Variants in BRCA2 observed in about 807,000 individuals in gnomAD.
The protein encoded by BRCA2 is BRCA2 DNA repair associated.
A neutral mutation model predicts 276.7 loss-of-function variants in BRCA2; 203 were observed. That is an observed-to-expected ratio of 0.73 (90% confidence interval 0.65 to 0.82). BRCA2 has a LOEUF of 0.82. BRCA2 is among the 40% of genes least tolerant of loss of function. BRCA2 has a pLI of 0.00. For missense variants in BRCA2, 3,920 were observed against 3,915.0 expected (o/e 1.00, Z -0.03); for synonymous variants, 1,289 against 1,338.4 (o/e 0.96, Z 0.81).
rs1252218364 is a variant in BRCA2, at chr13:32,399,503, C to CT, written c.*734dup. The CT allele has an allele frequency of 9.8e-5, 18 of 183,848 alleles. No individual in the cohort carries two copies. Among genetic ancestry groups the CT allele is most frequent in the African/African-American group, 3.5e-4 (15 of 42,610 alleles). The allele number at this position is 183,848 out of a possible 1,614,324, so 11.4% of individuals were successfully genotyped here. A position where few individuals can be genotyped will look rare whatever the true frequency, so the allele number is the denominator to read the frequency against. On this transcript the variant is annotated 3_prime_UTR_variant, in exon 27 of 27. Transcript: ENST00000380152. Reference sequence around the variant, plus strand: ...GAAAAATAGAACCCTCAGTGTAACTCTAATTCCTTTTTACTATTCCAGTGT... The same window carrying CT: ...GAAAAATAGAACCCTCAGTGTAACTCTTAATTCCTTTTTACTATTCCAGTGT...
intron 10 of BRCA2, among the ~76,000 whole-genome samples, chr13:32,335,969 C>T (rs2072444894): frequency 2.0e-5 from 3 of 151,926 alleles, no homozygotes; most frequent in Admixed American, 2.0e-4. Context: ...GTAGCCTCAC[C>T]CTCCTGGGCT....
intron 11 of BRCA2, among the ~76,000 whole-genome samples, chr13:32,342,655 C>T (rs1946282919): frequency 1.3e-5 from 2 of 152,162 alleles, no homozygotes; most frequent in Admixed American, 6.5e-5. Context: ...CAAACCTATA[C>T]AGCATGTTAC....
chr13:32,327,378 C>T (rs954072964), intron 7 of BRCA2, among the ~76,000 whole-genome samples: 3 of 152,140 alleles, frequency 2.0e-5, no homozygotes, highest in Non-Finnish European at 4.4e-5. Context: ...ACCTGGGAGG[C>T]AGAGGGTGCA....
intron 21 of BRCA2, among the ~76,000 whole-genome samples, chr13:32,377,103 G>A (rs2072879184): frequency 6.6e-6 from 1 of 152,060 alleles, no homozygotes; most frequent in African/African-American, 2.4e-5. Context: ...TTATTTTTAA[G>A]ATAAAACAAA....
Position 32,324,938 on chromosome 13 carries a change from G to GA in BRCA2, c.317-133dup, listed in dbSNP as rs1261138781. 3.3e-5 allele frequency: 22 copies of GA among 662,038 alleles called. No homozygotes were observed. Among genetic ancestry groups the GA allele is most frequent in the Non-Finnish European group, 5.6e-5 (21 of 376,342 alleles). 41.0% of individuals were successfully genotyped at this position (662,038 alleles called of 1,614,324 possible). A position where few individuals can be genotyped will look rare whatever the true frequency, so the allele number is the denominator to read the frequency against. On this transcript the variant is annotated intron_variant, in intron 3 of 26. Coordinates refer to ENST00000380152, the MANE Select transcript of BRCA2 (RefSeq NM_000059.4). ...CTTTTTGGGGGGTAATCAGCAAACT[G>GA]AAAAACCTCTTCTTACAACTCCCTA... is the stretch of plus-strand genomic sequence containing the variant.
intron 3 of BRCA2, among the ~76,000 whole-genome samples, chr13:32,321,081 A>C (rs1429492369): frequency 6.6e-6 from 1 of 152,216 alleles, no homozygotes; most frequent in Non-Finnish European, 1.5e-5. Context: ...CAGTAATAAC[A>C]GTGAAAGTAA....
At chr13:32,321,552 G>T (rs2072306559) in intron 3 of BRCA2, among the ~76,000 whole-genome samples, 1 of 152,134 alleles carries the variant, frequency 6.6e-6, no homozygotes, top group South Asian at 2.1e-4. Context: ...ACCAAGGAAG[G>T]ATAGTAAGGA....
chr13:32,385,194 C>T (rs529951142), intron 24 of BRCA2: 14 of 201,440 alleles, frequency 6.9e-5, no homozygotes, highest in African/African-American at 3.0e-4. Flanking sequence ...CTGAACTCAA[C>T]ACTGGGTATG....
chr13:32,391,681 A>G (rs1566257721), intron 24 of BRCA2, among the ~76,000 whole-genome samples: 1 of 152,264 alleles, frequency 6.6e-6, no homozygotes, highest in Admixed American at 6.5e-5. Context: ...GAAGAATTCT[A>G]TGCAAGTTCA....
intron 18 of BRCA2, among the ~76,000 whole-genome samples, chr13:32,367,611 A>C (rs1239426161): frequency 1.3e-5 from 2 of 151,910 alleles, no homozygotes; most frequent in Non-Finnish European, 1.5e-5. Context: ...CCTGGGCAAC[A>C]TGACAAAACC....
At position 32,339,522 on chromosome 13, in the gene BRCA2, A is replaced by G. The variant is rs80358742; in HGVS notation, c.5167A>G (p.Thr1723Ala). 13 of 1,602,876 alleles carry G rather than the reference A, an allele frequency of 8.1e-6. No individual in the cohort carries two copies. Among genetic ancestry groups the G allele is most frequent in the South Asian group, 3.4e-5 (3 of 88,834 alleles). ...TTTGTATGAAAATAATTCAAACAGT[A>G]CTATAGCTGAAAATGACAAAAATCA... ...NYLYENNSNS[T>A]IAENDKNHLS... The change falls in exon 11 of 27, where the codon ACT becomes GCT. Residue 1723 changes from threonine (T) to alanine (A), a missense_variant. By Grantham distance (58) the Thr-to-Ala change is moderately conservative. This residue lies in a region of BRCA2 where 3,263 missense variants were observed against 3,156.9 expected (regional missense o/e 1.03). Coordinates refer to ENST00000380152, the MANE Select transcript of BRCA2 (RefSeq NM_000059.4).
At chr13:32,363,108 A>C (rs1284928384) in intron 17 of BRCA2, 71 bp from the exon 18 acceptor site, 2 of 1,294,740 alleles carry the variant, frequency 1.5e-6, no homozygotes, top group African/African-American at 3.0e-5. Context: ...TCAGTTATTC[A>C]GTGACTTGTT....
chr13:32,359,025 C>A (rs2072720728), intron 16 of BRCA2, among the ~76,000 whole-genome samples: 1 of 151,972 alleles, frequency 6.6e-6, no homozygotes, highest in Admixed American at 6.6e-5. Flanking sequence ...AATTTGAAAC[C>A]AGCCTGGCCA....
chr13:32,319,002 T>C lies in BRCA2; in HGVS notation c.68-75T>C, dbSNP rs1184556267. 3 of 1,568,896 alleles carry C rather than the reference T, an allele frequency of 1.9e-6. No homozygotes were observed. In the East Asian group the frequency reaches 6.7e-5, roughly 35 times the overall value. ...AAGATCTTAAGCATTTTTTTCCTTA[T>C]GATCTTTAACTGTTCTGGGTCACAA... is the stretch of plus-strand genomic sequence containing the variant. On this transcript the variant is annotated intron_variant, in intron 2 of 26. Coordinates refer to ENST00000380152, the MANE Select transcript of BRCA2 (RefSeq NM_000059.4).
In BRCA2 at chr13:32,363,333, G is replaced by T. The variant is rs1060502439; in HGVS notation, c.8131G>T (p.Ala2711Ser). The change falls in exon 18 of 27, where the codon GCA becomes TCA. Residue 2711 changes from alanine to serine, a missense_variant. Transcript: ENST00000380152. ...AACTTCTAGCAATAAAACTAGTAGT[G>T]CAGATACCCAAAAAGTGGCCATTAT... Reference protein sequence around the residue: ...SETSSNKTSSADTQKVAIIEL... With the variant: ...SETSSNKTSSSDTQKVAIIEL... 2.5e-6 allele frequency: 4 copies of T among 1,614,144 alleles called. No homozygotes were observed. Among genetic ancestry groups the T allele is most frequent in the Non-Finnish European group, 3.4e-6 (4 of 1,180,012 alleles).
intron 25 of BRCA2, 81 bp downstream of exon 25, chr13:32,395,014 A>G (rs2137655081): frequency 6.3e-7 from 1 of 1,580,034 alleles, no homozygotes. Context: ...TAGCTTTTAT[A>G]CAAATTGGAT....
rs1404813815 is a variant in BRCA2 at position 32,398,398 on chromosome 13, G to A, written c.9885G>A (p.Gln3295=). The A allele has an allele frequency of 1.2e-6, 2 of 1,614,050 alleles. No individual in the cohort carries two copies. Among genetic ancestry groups the A allele is most frequent in the East Asian group, 4.5e-5 (2 of 44,900 alleles). The change falls in exon 27 of 27, where the codon CAG becomes CAA. Residue 3295 remains glutamine (Q), a synonymous_variant. Transcript: ENST00000380152. ...GTACATTTGTTTCTCCGGCTGCACAGAAGGCATTTCAGCCACCAAGGAGTT... is the reference window on the plus strand; with the variant it reads ...GTACATTTGTTTCTCCGGCTGCACAAAAGGCATTTCAGCCACCAAGGAGTT... ...PICTFVSPAA[Q]KAFQPPRSCG...
At position 32,398,272 on chromosome 13, in the gene BRCA2, T is replaced by G. The variant is rs1377745229; in HGVS notation, c.9759T>G (p.Cys3253Trp). 6.2e-7 allele frequency: 1 copy of G among 1,614,108 alleles called. No homozygotes were observed. Among genetic ancestry groups the G allele is most frequent in the South Asian group, 1.1e-5 (1 of 91,082 alleles). ...PVSAQMTSKS[C>W]KGEKEIDDQK... is the part of the protein sequence containing the mutation. Reference sequence around the variant, plus strand: ...CAGCCCAGATGACTTCAAAGTCTTGTAAAGGGGAGAAAGAGATTGATGACC... The same window carrying G: ...CAGCCCAGATGACTTCAAAGTCTTGGAAAGGGGAGAAAGAGATTGATGACC... The change falls in exon 27 of 27, where the codon TGT becomes TGG. Residue 3253 changes from cysteine (C) to tryptophan (W), a missense_variant. By Grantham distance (215) the Cys-to-Trp change is radical. This residue lies in a region of BRCA2 where 657 missense variants were observed against 758.2 expected (regional missense o/e 0.87). Transcript: ENST00000380152.
intron 13 of BRCA2, among the ~76,000 whole-genome samples, chr13:32,351,904 C>T (rs1015991596): frequency 3.3e-5 from 5 of 152,076 alleles, no homozygotes; most frequent in East Asian, 3.9e-4. Context: ...TAGGTTCAAG[C>T]GACTCTCCTG....
Sources: allele counts gnomAD v4.1 joint callset (sites outside exome capture counted in the v4.1 genomes callset), GRCh38; gene constraint gnomAD v4.1.1; regional missense constraint gnomAD v4.1.1; transcripts MANE v1.5; gene names NCBI Gene and HGNC (gene_info 2026-07-23, HGNC 2026-07-21).